SYNRG: variants seen among roughly 807,000 people sequenced by gnomAD.
The protein encoded by SYNRG is synergin gamma, also known as AP1 gamma subunit binding protein 1.
Under a neutral mutation model 130.9 loss-of-function variants are expected in SYNRG, and 37 were observed. That is an observed-to-expected ratio of 0.28 (90% CI 0.22 to 0.37). The LOEUF (loss-of-function observed/expected upper bound fraction) is 0.37. Ranked by LOEUF, SYNRG falls within the 10% of genes least tolerant of loss-of-function variation. The probability of loss-of-function intolerance (pLI) is 1.00; values close to 1 mark genes in which losing one functional copy is unlikely to be tolerated. For missense variants in SYNRG, 1,338 were observed against 1,588.9 expected (o/e 0.84, Z 2.68); for synonymous variants, 539 against 568.1 (o/e 0.95, Z 0.73).
chr17:37,557,902 T>C (rs2059239180), intron 13 of SYNRG, among the ~76,000 whole-genome samples: 1 of 152,204 alleles, frequency 6.6e-6, no homozygotes, highest in South Asian at 2.1e-4. Context: ...TACATTTTGG[T>C]GACACCACTG....
chr17:37,582,726 T>TG (rs1370662778), intron 6 of SYNRG, among the ~76,000 whole-genome samples: 6 of 152,006 alleles, frequency 3.9e-5, no homozygotes, highest in Admixed American at 3.3e-4. Context: ...CTAGGCGTGG[T>TG]GGTGCGCATC....
At chr17:37,552,707 G>A (rs778686977) in intron 14 of SYNRG, among the ~76,000 whole-genome samples, 1 of 152,178 alleles carries the variant, frequency 6.6e-6, no homozygotes, top group African/African-American at 2.4e-5. Context: ...TATACTGGCA[G>A]TTGCTGTGTA....
chr17:37,576,527 G>C lies in SYNRG; in HGVS notation c.824-109C>G. On this transcript the variant is annotated intron_variant, in intron 7 of 21. Transcript: ENST00000612223. ...GCACTGGCTGGAGACACTAAAAAAA[G>C]TCACCAATACAATTAAAATACTTGG... 4 of 937,502 alleles carry C rather than the reference G, an allele frequency of 4.3e-6. No individual in the cohort carries two copies. In the South Asian group the frequency reaches 8.0e-5, roughly 19 times the overall value. 58.1% of individuals were successfully genotyped at this position (937,502 alleles called of 1,614,324 possible).
At chr17:37,566,403 AG>A (rs1400734673) in intron 11 of SYNRG, among the ~76,000 whole-genome samples, 5 of 146,640 alleles carry the variant, frequency 3.4e-5, no homozygotes, top group African/African-American at 1.3e-4. Flanking sequence ...GGGCGGTGCA[AG>A]ATGTGCTTTG....
chr17:37,573,411 A>G (rs1256609433), intron 8 of SYNRG, among the ~76,000 whole-genome samples: 3 of 152,240 alleles, frequency 2.0e-5, no homozygotes, highest in African/African-American at 7.2e-5. Flanking sequence ...AAAAACAAAC[A>G]AACAAACAAA....
At chr17:37,579,939 C>T (rs746590034) in intron 6 of SYNRG, among the ~76,000 whole-genome samples, 12 of 151,842 alleles carry the variant, frequency 7.9e-5, no homozygotes, top group South Asian at 2.1e-4. Flanking sequence ...AAGCTGGTCT[C>T]GAGCTCCTGG....
Position 37,542,382 on chromosome 17 carries a change from G to A in SYNRG, c.2792C>T (p.Thr931Ile). The A allele has an allele frequency of 1.5e-5, 24 of 1,614,168 alleles. No homozygotes were observed. The highest frequency in any genetic ancestry group is 1.9e-5 in the Non-Finnish European group (23 of 1,180,026). Residue 931 changes from threonine (T) to isoleucine (I), a missense_variant, in exon 15 of 22, where the codon ACT becomes ATT. By Grantham distance (89) the Thr-to-Ile change is moderately conservative (BLOSUM62 -1). Coordinates refer to ENST00000612223, the MANE Select transcript of SYNRG (RefSeq NM_007247.6). ...GATGTTTTCAGAACTGCCAAATGAA[G>A]TCTCTTTCTTTTGAAGAATTGAGGT... ...SATSILQKKE[T>I]SFGSSENITM...
chr17:37,560,708 C>T (rs2059462329), intron 13 of SYNRG, among the ~76,000 whole-genome samples: 1 of 149,736 alleles, frequency 6.7e-6, no homozygotes, highest in Non-Finnish European at 1.5e-5. Flanking sequence ...TGCTCTGTCA[C>T]CCAGACTGGA....
At position 37,570,628 on chromosome 17, in the gene SYNRG, G is replaced by T; in HGVS notation, c.1347+9C>A. ...GATTATCTGAAATATGCACAGCTTC[G>T]CCATTTACCTGATTTGCAGGGTAGG... On this transcript the variant is annotated intron_variant, in intron 10 of 21. Coordinates refer to ENST00000612223, the MANE Select transcript of SYNRG (RefSeq NM_007247.6). The T allele has an allele frequency of 6.2e-7, 1 of 1,605,310 alleles. No individual in the cohort carries two copies. The highest frequency in any genetic ancestry group is 8.5e-7 in the Non-Finnish European group (1 of 1,175,700).
chr17:37,574,089 G>A (rs545774017), intron 8 of SYNRG, among the ~76,000 whole-genome samples: 4 of 151,910 alleles, frequency 2.6e-5, no homozygotes, highest in Non-Finnish European at 5.9e-5. Context: ...ACAGAATAGA[G>A]AACCCAGAAA....
intron 13 of SYNRG, among the ~76,000 whole-genome samples, chr17:37,558,917 T>C (rs1362161953): frequency 1.3e-5 from 2 of 152,208 alleles, no homozygotes; most frequent in Non-Finnish European, 2.9e-5. Flanking sequence ...ATGAAGGATT[T>C]GGTAAAATAC....
intron 16 of SYNRG, 49 bp downstream of exon 16, chr17:37,540,331 T>G: frequency 6.3e-7 from 1 of 1,593,086 alleles, no homozygotes; most frequent in Non-Finnish European, 8.5e-7. Flanking sequence ...TGGGGCCCTG[T>G]GTGCTTGCTG....
At chr17:37,607,978 A>C (rs1396783428) in intron 1 of SYNRG, among the ~76,000 whole-genome samples, 1 of 103,778 alleles carries the variant, frequency 9.6e-6, no homozygotes, top group Non-Finnish European at 2.1e-5. Flanking sequence ...AAAAAAAAAA[A>C]AACAAGACAA....
chr17:37,603,309 GC>G (rs1269519052), intron 1 of SYNRG, among the ~76,000 whole-genome samples: 2 of 152,120 alleles, frequency 1.3e-5, no homozygotes, highest in African/African-American at 2.4e-5. Flanking sequence ...TTTGAGACCA[GC>G]CTGGGCAACA....
At chr17:37,536,182 C>T (rs2057175542) in intron 18 of SYNRG, 55 bp from the exon 19 acceptor site, 5 of 1,541,618 alleles carry the variant, frequency 3.2e-6, no homozygotes, top group Non-Finnish European at 3.5e-6. Flanking sequence ...ACAGAGGACC[C>T]AGACAGGGGA....
chr17:37,584,127 G>A (rs773537962), intron 6 of SYNRG, among the ~76,000 whole-genome samples: 5 of 152,134 alleles, frequency 3.3e-5, no homozygotes, highest in Non-Finnish European at 7.3e-5. Flanking sequence ...AAACAGGGAC[G>A]TTTCTTTTTG....
At chr17:37,555,157 A>ACCC (rs2059016716) in intron 13 of SYNRG, among the ~76,000 whole-genome samples, 1 of 151,826 alleles carries the variant, frequency 6.6e-6, no homozygotes, top group Non-Finnish European at 1.5e-5. Context: ...ACAGAGTTTC[A>ACCC]TTATTGTCGC....
intron 11 of SYNRG, among the ~76,000 whole-genome samples, chr17:37,564,574 A>G (rs962235208): frequency 2.6e-5 from 4 of 152,224 alleles, no homozygotes; most frequent in African/African-American, 9.7e-5. Flanking sequence ...ATTTTCTCAC[A>G]GACCAACAAT....
rs1320493888 is a variant in SYNRG, at chr17:37,514,990, T to G, written c.*3950A>C. ...TTAAAATACAGGCGCGAATTCCACA[T>G]CACGCAGAAGACAACGCATTTCGCT... On this transcript the variant is annotated 3_prime_UTR_variant, in exon 22 of 22. Coordinates refer to ENST00000612223, the MANE Select transcript of SYNRG (RefSeq NM_007247.6). The G allele has an allele frequency of 1.3e-5, 2 of 152,172 alleles. No individual in the cohort carries two copies. 9.4% of individuals were successfully genotyped at this position (152,172 alleles called of 1,614,324 possible).
Sources: allele counts gnomAD v4.1 joint callset (sites outside exome capture counted in the v4.1 genomes callset), GRCh38; gene constraint gnomAD v4.1.1; transcripts MANE v1.5; gene names NCBI Gene and HGNC (gene_info 2026-07-23, HGNC 2026-07-21).